STXBP4: variants seen among roughly 807,000 people sequenced by gnomAD.
The protein encoded by STXBP4 is syntaxin-binding protein 4.
Under a neutral mutation model 76.1 loss-of-function variants are expected in STXBP4, and 55 were observed. The ratio of observed to expected loss-of-function variants is 0.72; its 90% CI spans 0.58 to 0.91. The LOEUF (loss-of-function observed/expected upper bound fraction) is 0.91. Among genes scored for constraint, STXBP4 ranks in the 40% least tolerant of loss-of-function variants. STXBP4 has a pLI of 0.00. For missense variants in STXBP4, 618 were observed against 636.9 expected (o/e 0.97, Z 0.32); for synonymous variants, 201 against 220.2 (o/e 0.91, Z 0.77).
chr17:55,211,757 C>A, the STXBP4 span, among the ~76,000 whole-genome samples: 5 of 149,676 alleles, frequency 3.3e-5, no homozygotes, highest in African/African-American at 1.2e-4. Context: ...TCATGCTGAA[C>A]CTACAAATTA....
At chr17:55,061,920 G>T (rs1257648313) in intron 12 of STXBP4, among the ~76,000 whole-genome samples, 9 of 152,162 alleles carry the variant, frequency 5.9e-5, no homozygotes, top group Non-Finnish European at 1.2e-4. Flanking sequence ...TTACAGTCAT[G>T]CAAGATGAAA....
intron 12 of STXBP4, among the ~76,000 whole-genome samples, chr17:55,069,630 G>C (rs2079098289): frequency 1.3e-5 from 2 of 152,066 alleles, no homozygotes; most frequent in African/African-American, 4.8e-5. Context: ...CTTTGCTAAG[G>C]GGTCACATTC....
chr17:55,054,206 G>A (rs549423078), intron 12 of STXBP4, among the ~76,000 whole-genome samples: 45 of 152,276 alleles, frequency 3.0e-4, no homozygotes, highest in Middle Eastern at 3.4e-3. Context: ...CAGTGAATTG[G>A]CCAAACACAG....
chr17:55,020,530 A>T (rs1848608258), intron 8 of STXBP4, among the ~76,000 whole-genome samples: 1 of 152,176 alleles, frequency 6.6e-6, no homozygotes, highest in Middle Eastern at 3.4e-3. Flanking sequence ...TTTTAATTAT[A>T]CTTTCGGCCG....
intron 16 of STXBP4, among the ~76,000 whole-genome samples, chr17:55,093,377 G>A (rs1286167041): frequency 1.3e-5 from 2 of 152,142 alleles, no homozygotes; most frequent in East Asian, 3.8e-4. Context: ...AAGTAATTAT[G>A]CTATTTCTTC....
At chr17:55,020,205 ATCT>A (rs2078284443) in intron 8 of STXBP4, among the ~76,000 whole-genome samples, 1 of 152,026 alleles carries the variant, frequency 6.6e-6, no homozygotes, top group South Asian at 2.1e-4. Context: ...CATATTTTGC[ATCT>A]TCTTATCTAT....
At chr17:55,144,033 A>G (rs1202768513) in intron 17 of STXBP4, among the ~76,000 whole-genome samples, 47 of 151,292 alleles carry the variant, frequency 3.1e-4, no homozygotes, top group Non-Finnish European at 1.5e-5. Context: ...ACACACACAC[A>G]CACACACACA....
chr17:55,058,199 C>T lies in STXBP4; in HGVS notation c.1011+11045C>T, dbSNP rs564700799. 1.2e-3 allele frequency among the ~76,000 whole-genome samples: 179 copies of T among 152,332 alleles called. 1 individual carries two copies. Among genetic ancestry groups the T allele is most frequent in the African/African-American group, 3.9e-3 (164 of 41,588 alleles). On this transcript the variant is annotated intron_variant, in intron 12 of 17. Coordinates refer to ENST00000376352, the MANE Select transcript of STXBP4 (RefSeq NM_178509.6). ...GCGTAAAAGCATTCCTATTTCTCTA[C>T]ATCCTCTCCAGCATCTGTGTTTCCT...
chr17:55,099,449 A>G (rs144709331), intron 16 of STXBP4, among the ~76,000 whole-genome samples: 61 of 152,354 alleles, frequency 4.0e-4, no homozygotes, highest in Non-Finnish European at 7.1e-4. Flanking sequence ...CATATAGCCT[A>G]TTGATCCTAG....
chr17:55,208,467 T>A, the STXBP4 span, among the ~76,000 whole-genome samples: 2 of 151,950 alleles, frequency 1.3e-5, no homozygotes, highest in African/African-American at 4.8e-5. Context: ...CATAGTTACA[T>A]AGGTACAACG....
At chr17:55,153,743 C>A (rs1339657728) in intron 17 of STXBP4, among the ~76,000 whole-genome samples, 1 of 152,144 alleles carries the variant, frequency 6.6e-6, no homozygotes, top group Non-Finnish European at 1.5e-5. Flanking sequence ...ATTTTATGCA[C>A]TTCTACTCGC....
At chr17:55,029,125 T>C (rs2078463880) in intron 8 of STXBP4, among the ~76,000 whole-genome samples, 2 of 152,062 alleles carry the variant, frequency 1.3e-5, no homozygotes, top group African/African-American at 2.4e-5. Context: ...AATAAATTCA[T>C]ACAACGGATT....
intron 8 of STXBP4, among the ~76,000 whole-genome samples, chr17:55,023,524 A>G (rs950011819): frequency 6.6e-6 from 1 of 152,220 alleles, no homozygotes; most frequent in African/African-American, 2.4e-5. Context: ...GTGTGGACTC[A>G]GCCACCCGTG....
intron 16 of STXBP4, among the ~76,000 whole-genome samples, chr17:55,139,498 G>C (rs2080070904): frequency 6.6e-6 from 1 of 152,106 alleles, no homozygotes; most frequent in Admixed American, 6.6e-5. Context: ...AAGGTTCTTA[G>C]GTACAGTCAT....
In STXBP4 at chr17:54,999,413, T is replaced by A. The variant is rs762673424; in HGVS notation, c.249T>A (p.Phe83Leu). 1.8e-5 allele frequency: 29 copies of A among 1,612,966 alleles called. No individual in the cohort carries two copies. Among genetic ancestry groups the A allele is most frequent in the Non-Finnish European group, 2.4e-5 (28 of 1,179,640 alleles). The change falls in exon 5 of 18, where the codon TTT (phenylalanine) becomes TTA (leucine). Residue 83 changes from phenylalanine (F) to leucine (L), a missense_variant. Coordinates refer to ENST00000376352, the MANE Select transcript of STXBP4 (RefSeq NM_178509.6). ...AGGAATCTATGATTGGTGTATCATTTGAAGAAGCAAAAAGCATAATTACCG... is the reference window on the plus strand; with the variant it reads ...AGGAATCTATGATTGGTGTATCATTAGAAGAAGCAAAAAGCATAATTACCG... The part of the protein sequence containing the change: ...VNKESMIGVS[F>L]EEAKSIITGA...
intron 8 of STXBP4, among the ~76,000 whole-genome samples, chr17:55,007,925 G>A (rs1027787196): frequency 1.3e-5 from 2 of 152,118 alleles, no homozygotes; most frequent in East Asian, 1.9e-4. Context: ...CAAAGTAGAC[G>A]AGGCTTCATA....
Position 55,007,506 on chromosome 17 carries a change from A to C in STXBP4, c.575A>C (p.Asp192Ala), listed in dbSNP as rs140691664. Residue 192 changes from aspartate (D) to alanine (A), a missense_variant and splice_region_variant, in exon 8 of 18, where the codon GAT becomes GCT. Physicochemically the swap from Asp to Ala is moderately radical, Grantham distance 126. Transcript: ENST00000376352. ...ENSTVGLSNT[D>A]VASAWTENYG... ...TAATGTGCACCCTGTTGTCTCTTAG[A>C]TGTTGCTTCTGCCTGGACTGAAAAT... The C allele has an allele frequency of 5.6e-6, 9 of 1,609,638 alleles. No individual in the cohort carries two copies. The highest frequency in any genetic ancestry group is 6.8e-6 in the Non-Finnish European group (8 of 1,177,814).
intron 6 of STXBP4, chr17:55,000,197 C>G: frequency 1.0e-6 from 1 of 985,256 alleles, no homozygotes; most frequent in Non-Finnish European, 1.2e-6. Context: ...GTGAGGCCAT[C>G]TTCCTTTTTG....
intron 8 of STXBP4, among the ~76,000 whole-genome samples, chr17:55,016,603 C>G (rs1247121348): frequency 6.6e-6 from 1 of 152,190 alleles, no homozygotes; most frequent in African/African-American, 2.4e-5. Flanking sequence ...ACAAGATCCT[C>G]GCTATCAATT....
Sources: allele counts gnomAD v4.1 joint callset (sites outside exome capture counted in the v4.1 genomes callset), GRCh38; gene constraint gnomAD v4.1.1; transcripts MANE v1.5; gene names NCBI Gene and HGNC (gene_info 2026-07-23, HGNC 2026-07-21).